LYRM1: variants seen among roughly 807,000 people sequenced by gnomAD.
LYRM1 encodes the protein LYR motif-containing protein 1.
A neutral mutation model predicts 14.9 loss-of-function variants in LYRM1; 14 were observed. The observed-to-expected ratio is 0.94, with a 90% CI of 0.62 to 1.47. The LOEUF is 1.47. Ranked by LOEUF, LYRM1 falls within the 40% of genes most tolerant of loss-of-function variation. The pLI, the probability that LYRM1 is intolerant of heterozygous loss-of-function variation, is 0.00. For synonymous variants in LYRM1, 43 were observed against 56.2 expected (o/e 0.77, Z 1.05); for missense variants, 153 against 149.9 (o/e 1.02, Z -0.11).
At chr16:20,900,976 A>T (rs1208889731) in intron 1 of LYRM1, 87 bp downstream of exon 1, 4 of 152,032 alleles carry the variant, frequency 2.6e-5, no homozygotes. Context: ...GATGGTTTGG[A>T]GGTTGGGCTG....
intron 1 of LYRM1, among the ~76,000 whole-genome samples, chr16:20,902,319 A>G (rs955715024): frequency 2.0e-5 from 3 of 152,258 alleles, no homozygotes; most frequent in Non-Finnish European, 4.4e-5. Flanking sequence ...TGATAAGTCT[A>G]TTAACAAGTC....
At position 20,901,744 on chromosome 16, in the gene LYRM1, G is replaced by A. The variant is rs2082068245; in HGVS notation, c.-1+855G>A. Among the ~76,000 whole-genome samples, 1 of 152,212 alleles carries A rather than the reference G, an allele frequency of 6.6e-6. No individual in the cohort carries two copies. Among genetic ancestry groups the A allele is most frequent in the South Asian group, 2.1e-4 (1 of 4,830 alleles). On this transcript the variant is annotated intron_variant, in intron 1 of 3. Transcript: ENST00000567954. The surrounding 1 kb of genome is among the most constrained non-coding windows in gnomAD (Gnocchi z 4.6). ...ACCTGATTTACATTTTTAAAAATCC[G>A]CTCTGCCTGCTGGATAGAGAAGGGT...
At chr16:20,920,075 C>T in intron 2 of LYRM1, 47 bp from the exon 3 acceptor site, 1 of 1,299,720 alleles carries the variant, frequency 7.7e-7, no homozygotes, top group Non-Finnish European at 1.1e-6. Flanking sequence ...ACTCTATGTA[C>T]CATTAGAAAG....
rs139517553 is a variant in LYRM1 at position 20,918,065 on chromosome 16, A to G, written c.160-2057A>G. ...TGCTGGCCGCCTGTTCTGAATTCCT[A>G]TAGCTGTCTGTAGCAGTCACTGCAT... On this transcript the variant is annotated intron_variant, in intron 2 of 3. Coordinates refer to ENST00000567954, the MANE Select transcript of LYRM1 (RefSeq NM_001128302.3). Among the ~76,000 whole-genome samples the G allele has an allele frequency of 2.5e-3, 373 of 152,066 alleles. 1 individual carries two copies. Among genetic ancestry groups the G allele is most frequent in the African/African-American group, 6.6e-3 (272 of 41,464 alleles).
At chr16:20,920,489 T>C (rs1001796909) in intron 3 of LYRM1, 9 of 402,718 alleles carry the variant, frequency 2.2e-5, no homozygotes, top group Non-Finnish European at 3.6e-5. Flanking sequence ...CTTTCATCTT[T>C]TTTATGGAAA....
At chr16:20,913,999 G>A (rs925887438) in intron 1 of LYRM1, among the ~76,000 whole-genome samples, 9 of 151,696 alleles carry the variant, frequency 5.9e-5, no homozygotes, top group Non-Finnish European at 1.2e-4. Flanking sequence ...TAGTAGAGAC[G>A]GGGTTTCACC....
chr16:20,923,298 G>A (rs552607774), intron 3 of LYRM1, among the ~76,000 whole-genome samples: 3 of 152,094 alleles, frequency 2.0e-5, no homozygotes, highest in African/African-American at 4.8e-5. Flanking sequence ...TCAGGAATTC[G>A]AGACCAGCCT....
chr16:20,907,908 A>G (rs573380303), intron 1 of LYRM1, among the ~76,000 whole-genome samples: 42 of 152,216 alleles, frequency 2.8e-4, no homozygotes, highest in African/African-American at 9.4e-4. Context: ...CTATGCCACT[A>G]GAATATAAGC....
chr16:20,924,033 C>A lies in LYRM1; in HGVS notation c.286C>A (p.Arg96=). ...HLPPMGLTPL[R]GRGLRSQEKL... is the part of the protein sequence containing the mutation. The stretch of plus-strand genomic sequence containing the variant: ...GCCTCCAATGGGCCTTACCCCACTC[C>A]GAGGCCGGGGACTTCGAAGCCAAGA... The change falls in exon 4 of 4, where the codon CGA becomes AGA. Residue 96 remains arginine (R), a synonymous_variant. Coordinates refer to ENST00000567954, the MANE Select transcript of LYRM1 (RefSeq NM_001128302.3). The A allele has an allele frequency of 6.2e-7, 1 of 1,612,706 alleles. No homozygotes were observed. Among genetic ancestry groups the A allele is most frequent in the South Asian group, 1.1e-5 (1 of 90,998 alleles).
chr16:20,913,688 A>G (rs1266218445), intron 1 of LYRM1, among the ~76,000 whole-genome samples: 4 of 152,226 alleles, frequency 2.6e-5, no homozygotes, highest in South Asian at 2.1e-4. Flanking sequence ...GAAAAATACA[A>G]TTAGCTTTAC....
At chr16:20,916,125 A>C (rs530894157) in intron 2 of LYRM1, among the ~76,000 whole-genome samples, 15 of 152,056 alleles carry the variant, frequency 9.9e-5, no homozygotes, top group Non-Finnish European at 1.6e-4. Flanking sequence ...CTCTAAATAT[A>C]AACCCATTTA....
chr16:20,921,992 A>C (rs1237689798), intron 3 of LYRM1: 1 of 145,944 alleles, frequency 6.9e-6, no homozygotes, highest in Non-Finnish European at 1.5e-5. Context: ...GCTCTCCCTC[A>C]ATCTTTTTTT....
chr16:20,913,786 A>C (rs761141846), intron 1 of LYRM1, among the ~76,000 whole-genome samples: 2 of 152,060 alleles, frequency 1.3e-5, no homozygotes, highest in Non-Finnish European at 2.9e-5. Context: ...GGGCCTTGAG[A>C]TCTTCAGTCA....
chr16:20,905,797 T>C (rs1369225734), intron 1 of LYRM1, among the ~76,000 whole-genome samples: 1 of 152,126 alleles, frequency 6.6e-6, no homozygotes, highest in East Asian at 1.9e-4. Flanking sequence ...TGATGAGGAT[T>C]CCTCCCCAAG....
At chr16:20,905,005 T>C (rs1053301788) in intron 1 of LYRM1, among the ~76,000 whole-genome samples, 1 of 152,166 alleles carries the variant, frequency 6.6e-6, no homozygotes, top group African/African-American at 2.4e-5. Flanking sequence ...CAGGGTTATT[T>C]ACTCATACCA....
intron 1 of LYRM1, among the ~76,000 whole-genome samples, chr16:20,906,827 T>C (rs763972179): frequency 1.3e-5 from 2 of 152,168 alleles, no homozygotes; most frequent in African/African-American, 2.4e-5. Flanking sequence ...AGCAGATCTT[T>C]CCATAGTCCT....
chr16:20,902,960 G>C (rs1371139455), intron 1 of LYRM1, among the ~76,000 whole-genome samples: 1 of 152,118 alleles, frequency 6.6e-6, no homozygotes, highest in Non-Finnish European at 1.5e-5. Flanking sequence ...CCACAATTAC[G>C]ATCAGTTCCA....
At chr16:20,921,141 G>A (rs1456999789) in intron 3 of LYRM1, among the ~76,000 whole-genome samples, 2 of 151,890 alleles carry the variant, frequency 1.3e-5, no homozygotes, top group Non-Finnish European at 2.9e-5. Flanking sequence ...CCCAAGCTAG[G>A]TACAGTGGTA....
chr16:20,919,461 T>C (rs951426392), intron 2 of LYRM1, among the ~76,000 whole-genome samples: 3 of 152,262 alleles, frequency 2.0e-5, no homozygotes, highest in Admixed American at 6.5e-5. Flanking sequence ...TAAAAATGCA[T>C]GAATCTATGC....
Sources: allele counts gnomAD v4.1 joint callset (sites outside exome capture counted in the v4.1 genomes callset), GRCh38; gene constraint gnomAD v4.1.1; non-coding constraint Gnocchi (gnomAD v3.1); transcripts MANE v1.5; gene names NCBI Gene and HGNC (gene_info 2026-07-23, HGNC 2026-07-21).